The following GNA12 variants were observed in gnomAD, a reference collection of about 807,000 sequenced individuals.
GNA12 encodes the protein G protein subunit alpha 12.
A neutral mutation model predicts 26.0 loss-of-function variants in GNA12; 9 were observed. That is an observed-to-expected ratio of 0.35 (90% CI 0.21 to 0.60). GNA12 has a LOEUF of 0.60. Ranked by LOEUF, GNA12 falls within the 20% of genes least tolerant of loss-of-function variation. The pLI is 0.78. For missense variants in GNA12, 405 were observed against 525.8 expected, an observed-to-expected ratio of 0.77 and a Z score of 2.25; for synonymous variants, 264 against 219.6, an observed-to-expected ratio of 1.20 and a Z score of -1.79.
In GNA12 at chr7:2,762,430, G is replaced by C. The variant is rs1791605050; in HGVS notation, c.526-28929C>G. On this transcript the variant is annotated intron_variant, in intron 2 of 3. Transcript: ENST00000275364. ...AAAGCTTAGACGTTAACTTGGCCAA[G>C]GGCAAAAACGCTACTTAACTCCAAA... 1.0e-5 allele frequency: 5 copies of C among 495,718 alleles called. No individual in the cohort carries two copies. In the East Asian group the frequency reaches 1.4e-4, roughly 14 times the overall value. The allele number at this position is 495,718 out of a possible 1,614,324, so 30.7% of individuals were successfully genotyped here.
intron 2 of GNA12, 108 bp from the exon 3 acceptor site, chr7:2,733,609 A>G: frequency 1.3e-6 from 1 of 798,092 alleles, no homozygotes; most frequent in Non-Finnish European, 2.2e-6. Flanking sequence ...CCTCCGTGTG[A>G]ATGGGAAAGC....
chr7:2,762,084 C>G (rs1246736133), intron 2 of GNA12: 1 of 152,528 alleles, frequency 6.6e-6, no homozygotes, highest in African/African-American at 2.4e-5. Flanking sequence ...ACCTCCAGCC[C>G]CTCCAGAAAA....
intron 2 of GNA12, among the ~76,000 whole-genome samples, chr7:2,789,747 T>G: frequency 6.6e-6 from 1 of 152,172 alleles, no homozygotes; most frequent in Non-Finnish European, 1.5e-5. Flanking sequence ...TCCCTGGCCA[T>G]GTGCCAGGTC....
At chr7:2,749,940 T>A (rs762319093) in intron 2 of GNA12, among the ~76,000 whole-genome samples, 11 of 152,144 alleles carry the variant, frequency 7.2e-5, no homozygotes, top group Non-Finnish European at 1.3e-4. Flanking sequence ...ACACAAGTAG[T>A]TGGAATCTCA....
chr7:2,796,455 C>T (rs1021945149), intron 1 of GNA12, among the ~76,000 whole-genome samples: 3 of 152,036 alleles, frequency 2.0e-5, no homozygotes, highest in Non-Finnish European at 4.4e-5. Context: ...AAGAGTACTA[C>T]CAGCGCTACT....
chr7:2,839,925 G>A (rs184264195), intron 1 of GNA12, among the ~76,000 whole-genome samples: 5 of 152,270 alleles, frequency 3.3e-5, no homozygotes, highest in Non-Finnish European at 7.4e-5. Flanking sequence ...CTTGAACCCC[G>A]GGGCGGAGGT....
chr7:2,732,919 T>G (rs1438874120), intron 3 of GNA12, among the ~76,000 whole-genome samples: 1 of 152,204 alleles, frequency 6.6e-6, no homozygotes, highest in Non-Finnish European at 1.5e-5. Flanking sequence ...AAAATCAACA[T>G]GAAAACATTA....
At chr7:2,835,410 G>C (rs1289780139) in intron 1 of GNA12, among the ~76,000 whole-genome samples, 1 of 152,156 alleles carries the variant, frequency 6.6e-6, no homozygotes, top group South Asian at 2.1e-4. Context: ...TGGCCCACGG[G>C]GGTTGCCGGT....
chr7:2,838,319 C>T (rs1478785802), intron 1 of GNA12, among the ~76,000 whole-genome samples: 1 of 150,716 alleles, frequency 6.6e-6, no homozygotes, highest in Non-Finnish European at 1.5e-5. Flanking sequence ...ATCGCTCATG[C>T]CTATAATCTC....
chr7:2,826,944 T>C (rs528095351), intron 1 of GNA12, among the ~76,000 whole-genome samples: 1 of 152,308 alleles, frequency 6.6e-6, no homozygotes, highest in African/African-American at 2.4e-5. Flanking sequence ...CAGTTAATAA[T>C]ATATTCATAT....
intron 2 of GNA12, among the ~76,000 whole-genome samples, chr7:2,785,782 C>T (rs190374701): frequency 3.9e-5 from 6 of 152,336 alleles, no homozygotes; most frequent in Admixed American, 3.3e-4. Context: ...TACAATGGCT[C>T]ATGCCTGTAA....
intron 2 of GNA12, among the ~76,000 whole-genome samples, chr7:2,790,678 G>C (rs545030059): frequency 8.3e-4 from 127 of 152,254 alleles, no homozygotes; most frequent in African/African-American, 2.8e-3. Flanking sequence ...AAATTCAAAG[G>C]TACACCAAGG....
chr7:2,780,395 A>G (rs1156976740), intron 2 of GNA12, among the ~76,000 whole-genome samples: 1 of 152,142 alleles, frequency 6.6e-6, no homozygotes, highest in Non-Finnish European at 1.5e-5. Flanking sequence ...AATTATAACA[A>G]TATAGGAAAA....
At chr7:2,761,414 C>T (rs1015646645) in intron 2 of GNA12, among the ~76,000 whole-genome samples, 6 of 152,214 alleles carry the variant, frequency 3.9e-5, no homozygotes, top group Non-Finnish European at 5.9e-5. Flanking sequence ...CTCCCAAGGA[C>T]GGCTGACTTC....
At chr7:2,763,191 A>AC (rs1791652924) in intron 2 of GNA12, 7 of 222,642 alleles carry the variant, frequency 3.1e-5, no homozygotes, top group East Asian at 1.5e-4. Context: ...AAGACACCCC[A>AC]ACACACACAC....
intron 2 of GNA12, among the ~76,000 whole-genome samples, chr7:2,788,680 G>A (rs924797977): frequency 6.6e-6 from 1 of 152,230 alleles, no homozygotes; most frequent in Non-Finnish European, 1.5e-5. Context: ...AAAGAGCTGT[G>A]CAGCCAGGAA....
At chr7:2,804,825 G>A (rs548911471) in intron 1 of GNA12, among the ~76,000 whole-genome samples, 7 of 152,090 alleles carry the variant, frequency 4.6e-5, no homozygotes, top group South Asian at 4.2e-4. Flanking sequence ...TTGGGAAGCC[G>A]AGGCGGGAGG....
chr7:2,731,807 T>A lies in GNA12; in HGVS notation c.577-57A>T. On this transcript the variant is annotated intron_variant, in intron 3 of 3. Coordinates refer to ENST00000275364, the MANE Select transcript of GNA12 (RefSeq NM_007353.3). The surrounding 1 kb of genome is among the most constrained non-coding windows in gnomAD (Gnocchi z 6.0). ...GGGGAGGAAGAAAGAACAGAGAAAA[T>A]AGAAACAAAAAGATGGCAAAAAGAT... 1 of 928,430 alleles carries A rather than the reference T, an allele frequency of 1.1e-6. No homozygotes were observed. Among genetic ancestry groups the A allele is most frequent in the Non-Finnish European group, 1.5e-6 (1 of 650,486 alleles). 57.5% of individuals were successfully genotyped at this position (928,430 alleles called of 1,614,324 possible).
At chr7:2,738,749 A>G (rs1164310049) in intron 2 of GNA12, among the ~76,000 whole-genome samples, 1 of 152,222 alleles carries the variant, frequency 6.6e-6, no homozygotes, top group African/African-American at 2.4e-5. Flanking sequence ...CTCAAAATTG[A>G]ACCCAAATTA....
Sources: allele counts gnomAD v4.1 joint callset (sites outside exome capture counted in the v4.1 genomes callset), GRCh38; gene constraint gnomAD v4.1.1; non-coding constraint Gnocchi (gnomAD v3.1); transcripts MANE v1.5; gene names NCBI Gene and HGNC (gene_info 2026-07-23, HGNC 2026-07-21).